RTN4RL1: variants seen among roughly 807,000 people sequenced by gnomAD.
RTN4RL1 encodes the protein reticulon 4 receptor like 1.
Under a neutral mutation model 25.6 loss-of-function variants are expected in RTN4RL1, and 7 were observed. That is an observed-to-expected ratio of 0.27 (90% CI 0.16 to 0.51). The LOEUF (loss-of-function observed/expected upper bound fraction) is 0.51. RTN4RL1 is among the 20% of genes least tolerant of loss of function. The pLI is 0.97. For missense variants in RTN4RL1, 500 were observed against 615.6 expected (o/e 0.81, Z 1.99); for synonymous variants, 297 against 288.2 (o/e 1.03, Z -0.31).
chr17:2,005,991 A>G (rs2066992672), intron 1 of RTN4RL1, among the ~76,000 whole-genome samples: 1 of 150,858 alleles, frequency 6.6e-6, no homozygotes, highest in African/African-American at 2.4e-5. Context: ...TAAAGACGGG[A>G]TTTCACTGGA....
At chr17:1,983,082 G>A (rs12103903) in intron 1 of RTN4RL1, among the ~76,000 whole-genome samples, 8 of 146,724 alleles carry the variant, frequency 5.5e-5, no homozygotes, top group Admixed American at 4.1e-4. Flanking sequence ...ACAGAGTCTC[G>A]CCCTGTCACC....
Position 1,936,872 on chromosome 17 carries a change from G to A in RTN4RL1, c.950C>T (p.Thr317Met), listed in dbSNP as rs765195768. 5.6e-6 allele frequency: 9 copies of A among 1,598,492 alleles called. No homozygotes were observed. Among genetic ancestry groups the A allele is most frequent in the East Asian group, 2.2e-5 (1 of 44,696 alleles). The change falls in exon 2 of 2, where the codon ACG (threonine) becomes ATG (methionine). Residue 317 changes from threonine (T) to methionine (M), a missense_variant. Thr to Met is a moderately conservative substitution (Grantham distance 81). Transcript: ENST00000331238. ...PASPHQIKSHTLTTTDRAARK... is the reference protein window; with the variant it reads ...PASPHQIKSHMLTTTDRAARK... ...GGCGGCCCTGTCGGTGGTGGTGAGC[G>A]TGTGTGACTTGATCTGGTGCGGGGA...
chr17:2,024,936 TG>T lies in RTN4RL1; in HGVS notation c.-72del. On this transcript the variant is annotated 5_prime_UTR_variant, in exon 1 of 2. An upstream open reading frame in the 5' UTR loses its in-frame stop. Transcript: ENST00000331238. Reference sequence around the variant, plus strand: ...CTCCCGGGGTCCAGATTCAAATCCCTGGGCGCCAGCTGCAGCTAATCCGAGC... The same window carrying T: ...CTCCCGGGGTCCAGATTCAAATCCCTGGCGCCAGCTGCAGCTAATCCGAGC... 6.7e-7 allele frequency: 1 copy of T among 1,488,772 alleles called. No individual in the cohort carries two copies. Among genetic ancestry groups the T allele is most frequent in the Non-Finnish European group, 9.1e-7 (1 of 1,099,696 alleles). 92.2% of individuals were successfully genotyped at this position (1,488,772 alleles called of 1,614,324 possible).
chr17:1,935,577 A>T lies in RTN4RL1; in HGVS notation c.*919T>A, dbSNP rs1259224617. ...TTGCCAGTTTGGGATTCTAGACAAA[A>T]ATTCTATCACTTTGTTTTTGCTAGA... On this transcript the variant is annotated 3_prime_UTR_variant, in exon 2 of 2. Transcript: ENST00000331238. The T allele has an allele frequency of 2.0e-6, 2 of 985,114 alleles. No homozygotes were observed. The highest frequency in any genetic ancestry group is 3.5e-5 in the African/African-American group (2 of 57,100). The allele number at this position is 985,114 out of a possible 1,614,324, so 61.0% of individuals were successfully genotyped here.
At chr17:1,964,732 TA>T (rs77479135) in intron 1 of RTN4RL1, among the ~76,000 whole-genome samples, 6 of 150,628 alleles carry the variant, frequency 4.0e-5, no homozygotes, top group Middle Eastern at 6.9e-3. Context: ...AACCTGTCTC[TA>T]AAAAAAAATT....
chr17:1,947,398 G>A (rs1915579420), intron 1 of RTN4RL1, among the ~76,000 whole-genome samples: 2 of 152,292 alleles, frequency 1.3e-5, no homozygotes, highest in East Asian at 1.9e-4. Context: ...AGCGTGCCTC[G>A]CTCACCCTCC....
chr17:1,974,040 G>GA (rs57063033), intron 1 of RTN4RL1, among the ~76,000 whole-genome samples: 71,979 of 97,074 alleles, frequency 0.74, 25,973 homozygotes, highest in Admixed American at 0.8. Context: ...CTCCGTCTCA[G>GA]AAAAAAAAAA....
At chr17:1,957,889 G>T (rs924994840) in intron 1 of RTN4RL1, among the ~76,000 whole-genome samples, 1 of 109,560 alleles carries the variant, frequency 9.1e-6, no homozygotes, top group Admixed American at 9.2e-5. Flanking sequence ...AACAAACAAA[G>T]TGAGATGGTG....
chr17:1,939,216 G>A (rs917903269), intron 1 of RTN4RL1, among the ~76,000 whole-genome samples: 4 of 151,742 alleles, frequency 2.6e-5, no homozygotes, highest in East Asian at 1.9e-4. Context: ...AGCCGGGCGT[G>A]GTGGCGCGCA....
chr17:1,947,125 T>C lies in RTN4RL1; in HGVS notation c.14-9317A>G, dbSNP rs376148097. Among the ~76,000 whole-genome samples, 16 of 149,854 alleles carry C rather than the reference T, an allele frequency of 1.1e-4. 1 individual carries two copies. In the East Asian group the frequency reaches 3.0e-3, roughly 28 times the overall value. ...TGTGTGTGTGCGCACGGGGTCTGTGTGTGTCTATGTTGAATGTGTGTCTGT... is the reference window on the plus strand; with the variant it reads ...TGTGTGTGTGCGCACGGGGTCTGTGCGTGTCTATGTTGAATGTGTGTCTGT... On this transcript the variant is annotated intron_variant, in intron 1 of 1. Transcript: ENST00000331238.
At position 1,998,210 on chromosome 17, in the gene RTN4RL1, A is replaced by G. The variant is rs2066938651; in HGVS notation, c.13+26643T>C. Among the ~76,000 whole-genome samples the G allele has an allele frequency of 6.7e-6, 1 of 150,156 alleles. No individual in the cohort carries two copies. Among genetic ancestry groups the G allele is most frequent in the Non-Finnish European group, 1.5e-5 (1 of 67,492 alleles). On this transcript the variant is annotated intron_variant, in intron 1 of 1. Coordinates refer to ENST00000331238, the MANE Select transcript of RTN4RL1 (RefSeq NM_178568.4). The surrounding 1 kb of genome is among the most constrained non-coding windows in gnomAD (Gnocchi z 4.9). ...CTATGTTTTGTTTGGCCTTTGGGGG[A>G]GGGGCGGGGAGGGCTGTCGCATTGA...
At chr17:1,971,808 A>T (rs2066820764) in intron 1 of RTN4RL1, among the ~76,000 whole-genome samples, 1 of 151,860 alleles carries the variant, frequency 6.6e-6, no homozygotes, top group Admixed American at 6.6e-5. Context: ...TAAAAATACA[A>T]AACATTAGCC....
Position 1,937,523 on chromosome 17 carries a change from A to C in RTN4RL1, c.299T>G (p.Val100Gly). 1.2e-6 allele frequency: 2 copies of C among 1,613,994 alleles called. No individual in the cohort carries two copies. The highest frequency in any genetic ancestry group is 1.7e-6 in the Non-Finnish European group (2 of 1,179,880). ...YIHPSTFEGF[V>G]HLEELDLGDN... ...GCCGAGGTCCAGCTCCTCCAGGTGCACGAAGCCCTCGAAGGTGCTGGGGTG... is the reference window on the plus strand; with the variant it reads ...GCCGAGGTCCAGCTCCTCCAGGTGCCCGAAGCCCTCGAAGGTGCTGGGGTG... Residue 100 changes from valine (V) to glycine (G), a missense_variant, in exon 2 of 2, where the codon GTG (valine) becomes GGG (glycine). By Grantham distance (109) the Val-to-Gly change is moderately radical. Coordinates refer to ENST00000331238, the MANE Select transcript of RTN4RL1 (RefSeq NM_178568.4).
chr17:2,005,463 A>C (rs1468015542), intron 1 of RTN4RL1, among the ~76,000 whole-genome samples: 2 of 152,238 alleles, frequency 1.3e-5, no homozygotes, highest in Non-Finnish European at 2.9e-5. Context: ...CTCAGAGGTG[A>C]AGGGCTTGGC....
At chr17:1,953,862 G>A (rs1051280266) in intron 1 of RTN4RL1, among the ~76,000 whole-genome samples, 2 of 152,186 alleles carry the variant, frequency 1.3e-5, no homozygotes, top group East Asian at 3.8e-4. Context: ...ACCGTGCCTG[G>A]CCATTAAATT....
intron 1 of RTN4RL1, among the ~76,000 whole-genome samples, chr17:1,986,526 A>G (rs1165037855): frequency 6.6e-6 from 1 of 152,098 alleles, no homozygotes; most frequent in South Asian, 2.1e-4. Context: ...AAATTTCCTT[A>G]TAAGAGACAG....
chr17:1,967,931 G>A (rs931215445), intron 1 of RTN4RL1, among the ~76,000 whole-genome samples: 2 of 152,092 alleles, frequency 1.3e-5, no homozygotes, highest in African/African-American at 4.8e-5. Context: ...GTGAGCCATC[G>A]GGCCCGGCCT....
At chr17:1,991,641 G>C (rs907484020) in intron 1 of RTN4RL1, among the ~76,000 whole-genome samples, 1 of 152,032 alleles carries the variant, frequency 6.6e-6, no homozygotes, top group Non-Finnish European at 1.5e-5. Flanking sequence ...GAACCCAAAT[G>C]GTAGCGCCAT....
chr17:1,977,044 G>A (rs550111982), intron 1 of RTN4RL1, among the ~76,000 whole-genome samples: 1 of 152,214 alleles, frequency 6.6e-6, no homozygotes, highest in Admixed American at 6.5e-5. Flanking sequence ...ATCACATTTT[G>A]TTTCTTTGTA....
Sources: gnomAD v4.1 joint callset for allele counts (sites outside exome capture counted in the v4.1 genomes callset) on GRCh38, gnomAD v4.1.1 for gene constraint, Gnocchi (gnomAD v3.1) non-coding constraint, MANE v1.5 for transcripts, NCBI Gene and HGNC (gene_info 2026-07-23, HGNC 2026-07-21) for gene names.